WASHC5: variants seen among roughly 807,000 people sequenced by gnomAD.
WASHC5 encodes the protein WASH complex subunit strumpellin.
Under a neutral mutation model 150.4 loss-of-function variants are expected in WASHC5, and 101 were observed. That is an observed-to-expected ratio of 0.67 (90% CI 0.57 to 0.79). The LOEUF (loss-of-function observed/expected upper bound fraction) is 0.79. Among genes scored for constraint, WASHC5 ranks in the 30% least tolerant of loss-of-function variants. The pLI is 0.00. For missense variants in WASHC5, 1,195 were observed against 1,396.3 expected (o/e 0.86, Z 2.30); for synonymous variants, 467 against 491.2 (o/e 0.95, Z 0.65).
At chr8:125,078,487 T>C (rs1817129190) in intron 6 of WASHC5, among the ~76,000 whole-genome samples, 1 of 152,216 alleles carries the variant, frequency 6.6e-6, no homozygotes, top group African/African-American at 2.4e-5. Context: ...AACCATTTCT[T>C]GAATGAATGA....
At chr8:125,090,701 G>C (rs1817586441) in intron 1 of WASHC5, among the ~76,000 whole-genome samples, 2 of 152,156 alleles carry the variant, frequency 1.3e-5, no homozygotes, top group African/African-American at 4.8e-5. Context: ...ATTTCTTAAG[G>C]AAATCGAATT....
At chr8:125,073,772 T>A (rs1007954063) in intron 8 of WASHC5, among the ~76,000 whole-genome samples, 1 of 152,354 alleles carries the variant, frequency 6.6e-6, no homozygotes, top group South Asian at 2.1e-4. Flanking sequence ...TACATCCTAG[T>A]TCTGGCTGTG....
chr8:125,036,651 G>GAGTACTGAGT (rs1815716160), intron 26 of WASHC5, among the ~76,000 whole-genome samples: 1 of 143,432 alleles, frequency 7.0e-6, no homozygotes, highest in African/African-American at 3.0e-5. Flanking sequence ...CCATCTGAGT[G>GAGTACTGAGT]ACTGAGTGAG....
chr8:125,086,279 C>T (rs915500324), intron 1 of WASHC5, among the ~76,000 whole-genome samples: 7 of 152,184 alleles, frequency 4.6e-5, no homozygotes, highest in African/African-American at 1.7e-4. Context: ...CTATTTTCCT[C>T]CTGTGTCTTC....
Position 125,083,200 on chromosome 8 carries a change from T to C in WASHC5, c.245A>G (p.Glu82Gly). Residue 82 changes from glutamate (E) to glycine (G), a missense_variant, in exon 3 of 29, where the codon GAA becomes GGA. Coordinates refer to ENST00000318410, the MANE Select transcript of WASHC5 (RefSeq NM_014846.4). The part of the protein sequence containing the change: ...DAKPELQDLD[E>G]EFRENNIEIV... The stretch of plus-strand genomic sequence containing the variant: ...TTCTATGTTGTTTTCACGAAATTCT[T>C]CATCTAAATCCTGTAGCTCTGGCTT... 6.2e-7 allele frequency: 1 copy of C among 1,611,558 alleles called. No individual in the cohort carries two copies. The highest frequency in any genetic ancestry group is 1.7e-5 in the Admixed American group (1 of 59,986).
intron 21 of WASHC5, 47 bp downstream of exon 21, chr8:125,044,489 T>G (rs771220846): frequency 6.2e-7 from 1 of 1,606,466 alleles, no homozygotes; most frequent in Non-Finnish European, 8.5e-7. Flanking sequence ...TGTTCTTGCC[T>G]CTCCCCCAGG....
At chr8:125,085,382 C>T (rs539248112) in intron 1 of WASHC5, among the ~76,000 whole-genome samples, 2 of 152,192 alleles carry the variant, frequency 1.3e-5, no homozygotes, top group African/African-American at 4.8e-5. Context: ...AAAACTTTTC[C>T]ATGGTAAATG....
At chr8:125,088,106 G>A (rs1021109474) in intron 1 of WASHC5, among the ~76,000 whole-genome samples, 1 of 152,180 alleles carries the variant, frequency 6.6e-6, no homozygotes, top group Middle Eastern at 3.4e-3. Context: ...TTCTATGTAG[G>A]TTCCTTCCCT....
chr8:125,065,619 C>CT (rs780278604), intron 10 of WASHC5, among the ~76,000 whole-genome samples: 2,415 of 130,698 alleles, frequency 0.018, 67 homozygotes, highest in African/African-American at 0.067. Context: ...TCTTTCATTC[C>CT]TTTTTTTTTT....
At chr8:125,041,777 CTATT>C (rs1247987644) in intron 23 of WASHC5, among the ~76,000 whole-genome samples, 3 of 152,274 alleles carry the variant, frequency 2.0e-5, no homozygotes, top group East Asian at 1.9e-4. Context: ...GACTATTACT[CTATT>C]TATGTGAAAA....
chr8:125,043,930 C>A (rs1457615448), intron 22 of WASHC5, 26 bp from the exon 23 acceptor site: 1 of 1,600,258 alleles, frequency 6.2e-7, no homozygotes, highest in Non-Finnish European at 8.6e-7. Context: ...ATAATTTTCT[C>A]TTTAGTACAT....
intron 26 of WASHC5, chr8:125,032,634 C>G: frequency 1.9e-6 from 1 of 534,604 alleles, no homozygotes; most frequent in Non-Finnish European, 3.4e-6. Context: ...ATTATCATTA[C>G]TGGTTCTTTT....
intron 10 of WASHC5, among the ~76,000 whole-genome samples, 166 bp from the exon 11 acceptor site, chr8:125,063,817 A>G (rs1386918074): frequency 1.3e-5 from 2 of 152,206 alleles, no homozygotes; most frequent in African/African-American, 4.8e-5. Context: ...CTTTGCAGAA[A>G]TTCAGGGACA....
chr8:125,048,833 G>A (rs548688943), intron 19 of WASHC5, among the ~76,000 whole-genome samples, 173 bp downstream of exon 19: 80 of 152,016 alleles, frequency 5.3e-4, no homozygotes, highest in Non-Finnish European at 7.2e-4. Context: ...GTGAGCTCCC[G>A]GAAGTTACAT....
At chr8:125,082,272 C>A (rs368768203) in intron 4 of WASHC5, 111 bp downstream of exon 4, 2 of 689,746 alleles carry the variant, frequency 2.9e-6, no homozygotes, top group African/African-American at 1.8e-5. Flanking sequence ...AAGCTCATTT[C>A]GCTTCTCTTT....
intron 26 of WASHC5, 163 bp from the exon 27 acceptor site, chr8:125,032,557 A>C (rs1815572584): frequency 1.3e-6 from 1 of 791,146 alleles, no homozygotes; most frequent in Non-Finnish European, 2.1e-6. Context: ...AATTAGCCAC[A>C]GGATTGGTAG....
At chr8:125,091,179 G>T (rs1466913093) in intron 1 of WASHC5, among the ~76,000 whole-genome samples, 1 of 151,960 alleles carries the variant, frequency 6.6e-6, no homozygotes, top group African/African-American at 2.4e-5. Context: ...TATGTCACAG[G>T]TGAAGGCATT....
chr8:125,042,206 C>T (rs1458639822), intron 23 of WASHC5, among the ~76,000 whole-genome samples: 1 of 152,164 alleles, frequency 6.6e-6, no homozygotes, highest in Non-Finnish European at 1.5e-5. Context: ...AGATATCTGG[C>T]TTATCACTCT....
At chr8:125,062,067 A>T (rs77677511) in intron 11 of WASHC5, among the ~76,000 whole-genome samples, 3,991 of 152,220 alleles carry the variant, frequency 0.026, 180 homozygotes, top group African/African-American at 0.092. Flanking sequence ...AAGGCCTTAA[A>T]GACTTACGAT....
Sources: gnomAD v4.1 joint callset for allele counts (sites outside exome capture counted in the v4.1 genomes callset) on GRCh38, gnomAD v4.1.1 for gene constraint, MANE v1.5 for transcripts, NCBI Gene and HGNC (gene_info 2026-07-23, HGNC 2026-07-21) for gene names.